Variants in FBLN2 observed in about 807,000 individuals in gnomAD.
FBLN2 encodes fibulin-2.
A neutral mutation model predicts 123.7 loss-of-function variants in FBLN2; 81 were observed. That is an observed-to-expected ratio of 0.65 (90% CI 0.55 to 0.79). The LOEUF is 0.79. Among genes scored for constraint, FBLN2 ranks in the 30% least tolerant of loss-of-function variants. FBLN2 has a pLI of 0.00. For missense variants in FBLN2, 1,603 were observed against 1,681.3 expected, an observed-to-expected ratio of 0.95 and a Z score of 0.81; for synonymous variants, 699 against 701.4, an observed-to-expected ratio of 1.00 and a Z score of 0.05.
At chr3:13,598,273 G>A (rs1183300730) in intron 2 of FBLN2, among the ~76,000 whole-genome samples, 2 of 152,238 alleles carry the variant, frequency 1.3e-5, no homozygotes, top group Non-Finnish European at 2.9e-5. Flanking sequence ...CATGCAATGA[G>A]TCTTACGTTC....
chr3:13,615,629 G>C (rs1171250820), intron 5 of FBLN2, among the ~76,000 whole-genome samples: 1 of 152,232 alleles, frequency 6.6e-6, no homozygotes, highest in African/African-American at 2.4e-5. Context: ...TGAATGATAG[G>C]ATGCCTGTCA....
intron 1 of FBLN2, among the ~76,000 whole-genome samples, chr3:13,552,338 G>C (rs1168728042): frequency 6.6e-6 from 1 of 152,172 alleles, no homozygotes; most frequent in Non-Finnish European, 1.5e-5. Context: ...GGGCTGCCAG[G>C]ATTTCTTGAT....
At chr3:13,568,604 C>T (rs1703820155) in intron 1 of FBLN2, 1 of 202,250 alleles carries the variant, frequency 4.9e-6, no homozygotes, top group African/African-American at 2.4e-5. Context: ...CTGTCCTTCA[C>T]CTTTCTGCTG....
chr3:13,584,869 C>T (rs990157308), intron 2 of FBLN2, among the ~76,000 whole-genome samples: 2 of 152,234 alleles, frequency 1.3e-5, no homozygotes, highest in African/African-American at 4.8e-5. Flanking sequence ...TTAGAGTGAG[C>T]TCAGATGCCC....
intron 17 of FBLN2, 116 bp downstream of exon 17, chr3:13,636,684 T>C: frequency 3.9e-6 from 5 of 1,275,342 alleles, no homozygotes; most frequent in Non-Finnish European, 4.3e-6. Context: ...TCCCAGCCCC[T>C]GACTGCTGGG....
intron 1 of FBLN2, among the ~76,000 whole-genome samples, chr3:13,566,024 C>T (rs778536511): frequency 4.1e-4 from 62 of 152,332 alleles, no homozygotes; most frequent in African/African-American, 1.2e-3. Flanking sequence ...CTTGTTGTTT[C>T]TTGCGTCCCC....
intron 2 of FBLN2, among the ~76,000 whole-genome samples, chr3:13,575,763 C>G (rs568112881): frequency 1.3e-5 from 2 of 152,262 alleles, no homozygotes; most frequent in South Asian, 2.1e-4. Context: ...CGCTTCTGAG[C>G]CTGGCTGCAT....
chr3:13,629,917 G>A lies in FBLN2; in HGVS notation c.2940G>A (p.Leu980=). 6.2e-7 allele frequency: 1 copy of A among 1,609,768 alleles called. No individual in the cohort carries two copies. The highest frequency in any genetic ancestry group is 1.1e-5 in the South Asian group (1 of 90,012). ...GCTGTTCCTGCGCCTCCGGGTTCCTGCTAGCAGCGGACGGCAAGCGCTGTG... is the reference window on the plus strand; with the variant it reads ...GCTGTTCCTGCGCCTCCGGGTTCCTACTAGCAGCGGACGGCAAGCGCTGTG... ...SYRCSCASGF[L]LAADGKRCED... The change falls in exon 14 of 18, where the codon CTG becomes CTA. Residue 980 remains leucine (L), a synonymous_variant. Transcript: ENST00000404922.
rs1425511629 is a variant in FBLN2, at chr3:13,597,510, C to A, written c.1307-10552C>A. ...TGAGTCTCACATGAAAGGCTGTGTG[C>A]AGTATTCCCCTGTGACCTGCCTCTT... On this transcript the variant is annotated intron_variant, in intron 2 of 17. Transcript: ENST00000404922. 1.3e-5 allele frequency among the ~76,000 whole-genome samples: 2 copies of A among 152,310 alleles called. 1 individual carries two copies. The highest frequency in any genetic ancestry group is 4.1e-4 in the South Asian group (2 of 4,822).
rs1703946267 is a variant in FBLN2 at position 13,571,392 on chromosome 3, C to T, written c.1037C>T (p.Ala346Val). 6.2e-7 allele frequency: 1 copy of T among 1,612,930 alleles called. No homozygotes were observed. Among genetic ancestry groups the T allele is most frequent in the African/African-American group, 1.3e-5 (1 of 75,052 alleles). ...PEENLILDAQ[A>V]TSRSTGPEGV... is the part of the protein sequence containing the mutation. The stretch of plus-strand genomic sequence containing the variant: ...GAGAACCTCATCCTGGATGCCCAAG[C>T]CACGTCCCGCAGCACTGGGCCGGAG... Residue 346 changes from alanine (A) to valine (V), a missense_variant, in exon 2 of 18, where the codon GCC becomes GTC. Physicochemically the swap from Ala to Val is moderately conservative, Grantham distance 64 (BLOSUM62 0). Coordinates refer to ENST00000404922, the MANE Select transcript of FBLN2 (RefSeq NM_001004019.2).
intron 1 of FBLN2, among the ~76,000 whole-genome samples, chr3:13,569,967 T>G (rs568708970): frequency 3.6e-4 from 54 of 152,012 alleles, no homozygotes; most frequent in African/African-American, 1.3e-3. Flanking sequence ...CGAGTGGGTG[T>G]GGGGCTGTGC....
chr3:13,561,900 T>G (rs999264849), intron 1 of FBLN2, among the ~76,000 whole-genome samples: 3 of 152,236 alleles, frequency 2.0e-5, no homozygotes, highest in African/African-American at 7.2e-5. Context: ...TATGTGGCCT[T>G]GGACAGATCA....
Position 13,619,065 on chromosome 3 carries a change from G to A in FBLN2, c.2053+48G>A, listed in dbSNP as rs777908096. On this transcript the variant is annotated intron_variant, in intron 7 of 17. Coordinates refer to ENST00000404922, the MANE Select transcript of FBLN2 (RefSeq NM_001004019.2). ...CCAGGACAGGGCCCAGGGTCCAGGG[G>A]GTGGGTCTGGGCTGCTTGCAGGTGG... 54 of 1,446,472 alleles carry A rather than the reference G, an allele frequency of 3.7e-5. No homozygotes were observed. In the South Asian group the frequency reaches 5.9e-4, roughly 16 times the overall value. The allele number at this position is 1,446,472 out of a possible 1,614,324, so 89.6% of individuals were successfully genotyped here.
At chr3:13,636,768 AG>A (rs1490737528) in intron 17 of FBLN2, among the ~76,000 whole-genome samples, 200 bp downstream of exon 17, 5 of 152,224 alleles carry the variant, frequency 3.3e-5, no homozygotes, top group African/African-American at 1.2e-4. Context: ...GAAGGGGAAA[AG>A]ACACACAGAA....
At position 13,570,874 on chromosome 3, in the gene FBLN2, G is replaced by A; in HGVS notation, c.519G>A (p.Gln173=). Residue 173 remains glutamine (Q), a synonymous_variant, in exon 2 of 18, where the codon CAG becomes CAA. Coordinates refer to ENST00000404922, the MANE Select transcript of FBLN2 (RefSeq NM_001004019.2). ...PDAGGELICY[Q]LPGCHGNFSD... ...CCGGTGGAGAGCTCATCTGCTACCA[G>A]CTCCCCGGTTGCCACGGGAACTTCT... 1 of 1,611,392 alleles carries A rather than the reference G, an allele frequency of 6.2e-7. No individual in the cohort carries two copies. Among genetic ancestry groups the A allele is most frequent in the Non-Finnish European group, 8.5e-7 (1 of 1,179,144 alleles).
Position 13,571,524 on chromosome 3 carries a change from C to G in FBLN2, c.1169C>G (p.Ser390Cys). The G allele has an allele frequency of 6.2e-7, 1 of 1,613,732 alleles. No individual in the cohort carries two copies. Residue 390 changes from serine (S) to cysteine (C), a missense_variant, in exon 2 of 18, where the codon TCC becomes TGC. Transcript: ENST00000404922. ...AAGCCCAGCCCCCACAACATCCTGT[C>G]CACATCACTGCCTGATGCAGCCTGG... ...PVKPSPHNIL[S>C]TSLPDAAWIP...
intron 1 of FBLN2, among the ~76,000 whole-genome samples, chr3:13,565,136 G>A (rs971963729): frequency 5.9e-5 from 9 of 152,156 alleles, no homozygotes; most frequent in South Asian, 2.1e-4. Context: ...ATGTCTCTCC[G>A]CCCCCACATT....
chr3:13,554,395 C>T (rs1559396089), intron 1 of FBLN2, among the ~76,000 whole-genome samples: 1 of 152,234 alleles, frequency 6.6e-6, no homozygotes, highest in Admixed American at 6.5e-5. Context: ...AATTCCCAGC[C>T]CCAACCTTGG....
intron 6 of FBLN2, among the ~76,000 whole-genome samples, chr3:13,618,630 A>T (rs1407277376): frequency 2.0e-5 from 3 of 152,036 alleles, no homozygotes; most frequent in African/African-American, 7.2e-5. Context: ...CTGGTCCCAG[A>T]ATTGATTGGT....
Sources: gnomAD v4.1 joint callset for allele counts (sites outside exome capture counted in the v4.1 genomes callset) on GRCh38, gnomAD v4.1.1 for gene constraint, MANE v1.5 for transcripts, NCBI Gene and HGNC (gene_info 2026-07-23, HGNC 2026-07-21) for gene names.